The following KANSL1L variants were observed in gnomAD, a reference collection of about 807,000 sequenced individuals.
The protein encoded by KANSL1L is KAT8 regulatory NSL complex subunit 1-like protein.
KANSL1L carries 25 observed loss-of-function variants against 108.6 expected under a neutral mutation model. That is an observed-to-expected ratio of 0.23 (90% CI 0.17 to 0.32). KANSL1L has a LOEUF of 0.32. Ranked by LOEUF, KANSL1L falls within the 10% of genes least tolerant of loss-of-function variation. The pLI, the probability that KANSL1L is intolerant of heterozygous loss-of-function variation, is 1.00. For synonymous variants in KANSL1L, 405 were observed against 395.1 expected (o/e 1.03, Z -0.30); for missense variants, 1,137 against 1,125.7 (o/e 1.01, Z -0.14).
chr2:210,023,762 T>A (rs1293288411), intron 14 of KANSL1L, among the ~76,000 whole-genome samples: 2 of 152,176 alleles, frequency 1.3e-5, no homozygotes, highest in Admixed American at 1.3e-4. Flanking sequence ...GGTGCTATTC[T>A]TCATTAATCA....
chr2:210,101,733 T>C (rs563505569), intron 4 of KANSL1L, among the ~76,000 whole-genome samples: 2 of 152,312 alleles, frequency 1.3e-5, no homozygotes, highest in African/African-American at 4.8e-5. Context: ...TATTCATAAG[T>C]GCTTTGATTA....
At chr2:210,159,521 T>G (rs1218532440) in intron 1 of KANSL1L, among the ~76,000 whole-genome samples, 1 of 152,188 alleles carries the variant, frequency 6.6e-6, no homozygotes, top group African/African-American at 2.4e-5. Flanking sequence ...AACTCAATGA[T>G]CTAATCTCCA....
At chr2:210,111,153 A>G (rs990965818) in intron 3 of KANSL1L, among the ~76,000 whole-genome samples, 1 of 147,202 alleles carries the variant, frequency 6.8e-6, no homozygotes, top group Admixed American at 6.8e-5. Flanking sequence ...GTGGACTCTG[A>G]AAAAAAAAAA....
chr2:210,048,922 G>T (rs1335946481), intron 6 of KANSL1L, among the ~76,000 whole-genome samples: 2 of 152,080 alleles, frequency 1.3e-5, no homozygotes, highest in African/African-American at 4.8e-5. Flanking sequence ...CACTTGAGTA[G>T]CATGATTTCA....
At chr2:210,142,639 C>T (rs754998473) in intron 2 of KANSL1L, among the ~76,000 whole-genome samples, 9 of 152,086 alleles carry the variant, frequency 5.9e-5, no homozygotes, top group Non-Finnish European at 1.0e-4. Context: ...CCTTTTGCTG[C>T]ACCCCATAGT....
At chr2:210,055,337 T>G (rs906390322) in intron 6 of KANSL1L, among the ~76,000 whole-genome samples, 1 of 152,190 alleles carries the variant, frequency 6.6e-6, no homozygotes, top group African/African-American at 2.4e-5. Context: ...TACAGCAGTG[T>G]GAGAACGGAC....
chr2:210,090,114 T>C lies in KANSL1L; in HGVS notation c.1550+7972A>G, dbSNP rs116128876. On this transcript the variant is annotated intron_variant, in intron 5 of 14. Coordinates refer to ENST00000281772, the MANE Select transcript of KANSL1L (RefSeq NM_152519.4). ...AATAAGACTATATCTAAAAGTTTAA[T>C]ATACTTTATGTCCTCACATTACAAT... Among the ~76,000 whole-genome samples, 1,347 of 152,330 alleles carry C rather than the reference T, an allele frequency of 8.8e-3. 18 individuals are homozygous for C. Among genetic ancestry groups the C allele is most frequent in the African/African-American group, 0.031 (1,296 of 41,566 alleles).
chr2:210,129,858 T>C (rs935965792), intron 2 of KANSL1L, among the ~76,000 whole-genome samples: 3 of 152,022 alleles, frequency 2.0e-5, no homozygotes, highest in African/African-American at 7.2e-5. Context: ...CATGCATATT[T>C]AAAAATAAGG....
At chr2:210,102,380 C>T (rs977323960) in intron 4 of KANSL1L, among the ~76,000 whole-genome samples, 1 of 152,092 alleles carries the variant, frequency 6.6e-6, no homozygotes, top group African/African-American at 2.4e-5. Context: ...AAAACCTAGG[C>T]AATACCATTC....
At chr2:210,150,350 C>A (rs1402764918) in intron 2 of KANSL1L, among the ~76,000 whole-genome samples, 1 of 152,022 alleles carries the variant, frequency 6.6e-6, no homozygotes, top group African/African-American at 2.4e-5. Flanking sequence ...AATTTTTTTT[C>A]TATCATTTGA....
Position 210,150,171 on chromosome 2 carries a change from T to A in KANSL1L, c.1088+3324A>T, listed in dbSNP as rs188122164. On this transcript the variant is annotated intron_variant, in intron 2 of 14. Coordinates refer to ENST00000281772, the MANE Select transcript of KANSL1L (RefSeq NM_152519.4). ...ATACATTATTTTCTTAAAATTTATG[T>A]CTACAGTCTCTGAATCCCCTCTAGC... Among the ~76,000 whole-genome samples, 22 of 152,270 alleles carry A rather than the reference T, an allele frequency of 1.4e-4. No individual in the cohort carries two copies. In the East Asian group the frequency reaches 4.2e-3, roughly 29 times the overall value.
rs563737367 is a variant in KANSL1L, at chr2:210,062,278, T to C, written c.1755+13274A>G. On this transcript the variant is annotated intron_variant, in intron 6 of 14. Transcript: ENST00000281772. ...TCTGCTGCCATGTGAGACGCACCTT[T>C]CACCTTGTGCGGTGATTGTGAGGCA... Among the ~76,000 whole-genome samples, 9 of 152,368 alleles carry C rather than the reference T, an allele frequency of 5.9e-5. No individual in the cohort carries two copies. The South Asian group carries it at 1.9e-3, about 32-fold the overall frequency.
chr2:210,084,609 CT>C (rs879594833), intron 5 of KANSL1L, among the ~76,000 whole-genome samples: 16 of 148,764 alleles, frequency 1.1e-4, no homozygotes, highest in Admixed American at 3.3e-4. Context: ...ATAGTGATTT[CT>C]TTTTTTTTTC....
chr2:210,135,619 A>C (rs2095166612), intron 2 of KANSL1L, among the ~76,000 whole-genome samples: 1 of 152,196 alleles, frequency 6.6e-6, no homozygotes, highest in African/African-American at 2.4e-5. Flanking sequence ...ATGAAGTACC[A>C]GTGACTCTCA....
chr2:210,101,083 C>T (rs1334934893), intron 4 of KANSL1L, among the ~76,000 whole-genome samples: 1 of 152,194 alleles, frequency 6.6e-6, no homozygotes, highest in Non-Finnish European at 1.5e-5. Flanking sequence ...GCATCTTTTA[C>T]TTCTGCTCTC....
rs1559539651 is a variant in KANSL1L at position 210,079,644 on chromosome 2, A to ATATATATATATATGTATGTG, written c.1551-3889_1551-3888insCACATACATATATATATATA. On this transcript the variant is annotated intron_variant, in intron 5 of 14. Transcript: ENST00000281772. ...TATATATATATATATATATATATATATATATATATATATATATATATGTAT... is the reference window on the plus strand; with the variant it reads ...TATATATATATATATATATATATATATATATATATATATGTATGTGTATATATATATATATATATATGTAT... 4.2e-3 allele frequency among the ~76,000 whole-genome samples: 38 copies of ATATATATATATATGTATGTG among 8,972 alleles called. 2 individuals carry two copies. The highest frequency in any genetic ancestry group is 0.17 in the Middle Eastern group (2 of 12). The allele number at this position is 8,972 out of a possible 152,430, so 5.9% of individuals were successfully genotyped here.
chr2:210,101,634 C>G (rs1485069259), intron 4 of KANSL1L, among the ~76,000 whole-genome samples: 2 of 152,026 alleles, frequency 1.3e-5, no homozygotes, highest in African/African-American at 4.8e-5. Flanking sequence ...AGAAATATAA[C>G]AAAAACTAAT....
intron 6 of KANSL1L, among the ~76,000 whole-genome samples, chr2:210,069,872 A>C: frequency 9.2e-6 from 1 of 109,246 alleles, no homozygotes; most frequent in African/African-American, 3.7e-5. Context: ...TCTGTCACCC[A>C]GGCTGGAGTG....
chr2:210,113,223 C>A (rs1403889486), intron 3 of KANSL1L, among the ~76,000 whole-genome samples: 2 of 152,170 alleles, frequency 1.3e-5, no homozygotes, highest in African/African-American at 4.8e-5. Flanking sequence ...AAAAAATCCT[C>A]TCTTCATTTT....
Sources: gnomAD v4.1 joint callset for allele counts (sites outside exome capture counted in the v4.1 genomes callset) on GRCh38, gnomAD v4.1.1 for gene constraint, MANE v1.5 for transcripts, NCBI Gene and HGNC (gene_info 2026-07-23, HGNC 2026-07-21) for gene names.